CCDC88A: variants seen among roughly 807,000 people sequenced by gnomAD.
CCDC88A encodes the protein coiled-coil and HOOK domain protein 88A, also known as girdin.
CCDC88A carries 54 observed loss-of-function variants against 234.3 expected under a neutral mutation model. That is an observed-to-expected ratio of 0.23 (90% CI 0.19 to 0.29). The LOEUF (loss-of-function observed/expected upper bound fraction) is 0.29, where lower values mean the gene tolerates loss of function less well. CCDC88A is among the 10% of genes least tolerant of loss of function. CCDC88A has a pLI of 1.00. For synonymous variants in CCDC88A, 753 were observed against 737.8 expected (o/e 1.02, Z -0.33); for missense variants, 1,832 against 2,123.4 (o/e 0.86, Z 2.70).
chr2:55,384,551 GTATATA>G lies in CCDC88A; in HGVS notation c.273+4221_273+4226del, dbSNP rs750233154. 1.3e-4 allele frequency among the ~76,000 whole-genome samples: 10 copies of G among 75,664 alleles called. 3 individuals carry two copies. In the East Asian group the frequency reaches 2.6e-3, roughly 20 times the overall value. The allele number at this position is 75,664 out of a possible 152,430, so 49.6% of individuals were successfully genotyped here. A position where few individuals can be genotyped will look rare whatever the true frequency, so the allele number is the denominator to read the frequency against. On this transcript the variant is annotated intron_variant, in intron 3 of 32. Coordinates refer to ENST00000436346, the MANE Select transcript of CCDC88A (RefSeq NM_001365480.1). ...TATATACATATATACGTATATATGTGTATATATACACATATATACGTATATATGTGT... is the reference window on the plus strand; with the variant it reads ...TATATACATATATACGTATATATGTGTACACATATATACGTATATATGTGT...
rs751399106 is a variant in CCDC88A at position 55,295,019 on chromosome 2, A to G, written c.5551+578T>C. The G allele has an allele frequency of 4.1e-6, 5 of 1,209,702 alleles. No homozygotes were observed. In the South Asian group the frequency reaches 6.3e-5, roughly 15 times the overall value. The allele number at this position is 1,209,702 out of a possible 1,614,324, so 74.9% of individuals were successfully genotyped here. On this transcript the variant is annotated intron_variant, in intron 31 of 32. Transcript: ENST00000436346. ...ACTTTTCAAATCATATTAGAGAAGC[A>G]GTGTATATCAAATAACATCAATATA...
chr2:55,395,708 T>C (rs1297948735), intron 2 of CCDC88A, among the ~76,000 whole-genome samples: 1 of 152,214 alleles, frequency 6.6e-6, no homozygotes, highest in Non-Finnish European at 1.5e-5. Context: ...GGTACTTTCA[T>C]TAAGCTGTGT....
At chr2:55,407,297 G>A (rs937275472) in intron 2 of CCDC88A, among the ~76,000 whole-genome samples, 1 of 152,056 alleles carries the variant, frequency 6.6e-6, no homozygotes, top group East Asian at 1.9e-4. Flanking sequence ...TTTAACATAA[G>A]GATTATGTTA....
chr2:55,323,573 A>G (rs1178559463), intron 17 of CCDC88A: 1 of 152,180 alleles, frequency 6.6e-6, no homozygotes, highest in Non-Finnish European at 1.5e-5. Flanking sequence ...TAACACACTA[A>G]TAACAATAGA....
intron 2 of CCDC88A, among the ~76,000 whole-genome samples, chr2:55,400,680 T>A (rs1171879510): frequency 6.6e-6 from 1 of 152,250 alleles, no homozygotes; most frequent in East Asian, 1.9e-4. Context: ...TATCTTTACT[T>A]ATTCATTAAC....
At chr2:55,291,580 A>C in intron 32 of CCDC88A, 96 bp downstream of exon 32, 1 of 491,150 alleles carries the variant, frequency 2.0e-6, no homozygotes. Flanking sequence ...AGCAATATTT[A>C]CATCTGTTAA....
chr2:55,321,312 G>C (rs1683605007), intron 18 of CCDC88A, among the ~76,000 whole-genome samples: 1 of 152,138 alleles, frequency 6.6e-6, no homozygotes, highest in Middle Eastern at 3.4e-3. Flanking sequence ...CAGCACTTTG[G>C]GATGCCAAGG....
At chr2:55,371,169 A>G (rs1672795082) in intron 5 of CCDC88A, among the ~76,000 whole-genome samples, 1 of 152,334 alleles carries the variant, frequency 6.6e-6, no homozygotes, top group East Asian at 1.9e-4. Flanking sequence ...TAAAGCAAAT[A>G]TAGTACATAA....
intron 18 of CCDC88A, among the ~76,000 whole-genome samples, chr2:55,319,877 T>C (rs1683408376): frequency 6.6e-6 from 1 of 152,158 alleles, no homozygotes; most frequent in African/African-American, 2.4e-5. Flanking sequence ...CAAAAGGTCA[T>C]AATTGGTCTA....
At chr2:55,412,539 C>A (rs754937426) in intron 2 of CCDC88A, among the ~76,000 whole-genome samples, 1 of 152,026 alleles carries the variant, frequency 6.6e-6, no homozygotes, top group Non-Finnish European at 1.5e-5. Flanking sequence ...ACTGTAGATG[C>A]GAGGGATCTA....
chr2:55,418,727 A>G (rs958475814), intron 2 of CCDC88A, 89 bp downstream of exon 2: 9 of 1,052,810 alleles, frequency 8.5e-6, no homozygotes, highest in Non-Finnish European at 1.3e-5. Context: ...CCAATGAACC[A>G]AATTAGGGGC....
chr2:55,340,173 A>G (rs939335863), intron 12 of CCDC88A: 1 of 152,282 alleles, frequency 6.6e-6, no homozygotes, highest in African/African-American at 2.4e-5. Flanking sequence ...TAAAAAAAGC[A>G]TAAAATTTAG....
intron 26 of CCDC88A, 164 bp downstream of exon 26, chr2:55,302,905 C>T: frequency 1.8e-6 from 1 of 554,206 alleles, no homozygotes; most frequent in South Asian, 2.4e-5. Flanking sequence ...AATGCAAATT[C>T]AGTGCCACTT....
intron 2 of CCDC88A, among the ~76,000 whole-genome samples, chr2:55,415,452 T>C (rs1323272303): frequency 3.9e-5 from 6 of 152,138 alleles, no homozygotes; most frequent in Admixed American, 2.0e-4. Context: ...CAAAAGACAG[T>C]GATCCCCAAT....
intron 2 of CCDC88A, among the ~76,000 whole-genome samples, chr2:55,416,637 C>T (rs1681536138): frequency 6.6e-6 from 1 of 150,930 alleles, no homozygotes; most frequent in Non-Finnish European, 1.5e-5. Flanking sequence ...TTCTTGCTCA[C>T]AAATTCTGTA....
At chr2:55,343,011 T>G (rs1668696254) in intron 12 of CCDC88A, among the ~76,000 whole-genome samples, 1 of 152,156 alleles carries the variant, frequency 6.6e-6, no homozygotes, top group Non-Finnish European at 1.5e-5. Context: ...TATCCAAAGC[T>G]ATAATCCAAA....
rs531599312 is a variant in CCDC88A, at chr2:55,287,848, C to T, written c.*3352G>A. ...TTAAATGATTACTAACCAGTTGTTA[C>T]AAAAATCACCTCTTGGTTTTATTTC... On this transcript the variant is annotated 3_prime_UTR_variant, in exon 33 of 33. Coordinates refer to ENST00000436346, the MANE Select transcript of CCDC88A (RefSeq NM_001365480.1). 2.6e-5 allele frequency: 4 copies of T among 152,336 alleles called. No individual in the cohort carries two copies. In the South Asian group the frequency reaches 6.2e-4, roughly 24 times the overall value. 9.4% of individuals were successfully genotyped at this position (152,336 alleles called of 1,614,324 possible).
chr2:55,339,424 G>A lies in CCDC88A; in HGVS notation c.1518+40C>T, dbSNP rs1668198814. ...GGGCTATTTATTTACACTTTTACAA[G>A]TTTTTTTAACATTAAAATAAACACT... On this transcript the variant is annotated intron_variant, in intron 13 of 32. Transcript: ENST00000436346. The A allele has an allele frequency of 2.2e-6, 3 of 1,379,088 alleles. No homozygotes were observed. In the East Asian group the frequency reaches 7.3e-5, roughly 34 times the overall value. 85.4% of individuals were successfully genotyped at this position (1,379,088 alleles called of 1,614,324 possible).
chr2:55,369,840 A>G (rs998309019), intron 5 of CCDC88A, among the ~76,000 whole-genome samples: 1 of 152,136 alleles, frequency 6.6e-6, no homozygotes. Flanking sequence ...ATACTTCTTC[A>G]ATGCACCAAT....
Sources: gnomAD v4.1 joint callset for allele counts (sites outside exome capture counted in the v4.1 genomes callset) on GRCh38, gnomAD v4.1.1 for gene constraint, MANE v1.5 for transcripts, NCBI Gene and HGNC (gene_info 2026-07-23, HGNC 2026-07-21) for gene names.